Variants in TCF7L2 observed in about 807,000 individuals in gnomAD.
TCF7L2 encodes the protein transcription factor 7 like 2.
Under a neutral mutation model 77.9 loss-of-function variants are expected in TCF7L2, and 23 were observed. That is an observed-to-expected ratio of 0.30 (90% CI 0.21 to 0.42). The LOEUF is 0.42. Ranked by LOEUF, TCF7L2 falls within the 10% of genes least tolerant of loss-of-function variation. TCF7L2 has a pLI of 1.00. For missense variants in TCF7L2, 654 were observed against 793.1 expected (o/e 0.82, Z 2.11); for synonymous variants, 413 against 340.2 (o/e 1.21, Z -2.36).
At chr10:112,956,171 A>G (rs10885398) in intron 3 of TCF7L2, among the ~76,000 whole-genome samples, 26,338 of 151,944 alleles carry the variant, frequency 0.17, 2,811 homozygotes, top group Non-Finnish European at 0.25. Flanking sequence ...TTTCTGGACC[A>G]TGACTAAAAC....
chr10:113,082,598 TGTG>T (rs911504792), intron 5 of TCF7L2, among the ~76,000 whole-genome samples: 1 of 138,698 alleles, frequency 7.2e-6, no homozygotes, highest in Non-Finnish European at 1.5e-5. Context: ...TCATTCTGCT[TGTG>T]TGTGTGTGTG....
intron 4 of TCF7L2, among the ~76,000 whole-genome samples, chr10:112,966,132 G>A (rs956061940): frequency 5.4e-5 from 8 of 147,130 alleles, no homozygotes; most frequent in Non-Finnish European, 1.0e-4. Flanking sequence ...CCGAGATCAC[G>A]CCACTGCACT....
At chr10:113,002,069 A>G (rs1359982572) in intron 4 of TCF7L2, among the ~76,000 whole-genome samples, 1 of 152,158 alleles carries the variant, frequency 6.6e-6, no homozygotes, top group Non-Finnish European at 1.5e-5. Context: ...AAATGGGATG[A>G]CAGGTTTCAT....
intron 12 of TCF7L2, among the ~76,000 whole-genome samples, 169 bp downstream of exon 13, chr10:113,158,886 T>TG (rs1249591470): frequency 6.6e-6 from 1 of 151,282 alleles, no homozygotes; most frequent in Non-Finnish European, 1.5e-5. Context: ...CAGTTGCTTC[T>TG]GTTTTTTTTT....
chr10:113,079,074 T>G (rs2135415489), intron 5 of TCF7L2, among the ~76,000 whole-genome samples: 1 of 152,238 alleles, frequency 6.6e-6, no homozygotes, highest in East Asian at 1.9e-4. Context: ...CCTTAAGTGA[T>G]CCACCCATCC....
At chr10:112,956,772 C>T (rs1338205436) in intron 3 of TCF7L2, among the ~76,000 whole-genome samples, 1 of 152,168 alleles carries the variant, frequency 6.6e-6, no homozygotes, top group African/African-American at 2.4e-5. Context: ...TTATTTACAG[C>T]CCATAACACT....
At chr10:112,957,271 G>C (rs569708605) in intron 3 of TCF7L2, among the ~76,000 whole-genome samples, 1 of 135,818 alleles carries the variant, frequency 7.4e-6, no homozygotes, top group African/African-American at 2.9e-5. Context: ...AAGAAACCTG[G>C]TATGGGAGAC....
At chr10:113,141,103 GA>G (rs770143565) in intron 5 of TCF7L2, 80 bp from the exon 6 acceptor site, 226 of 1,568,304 alleles carry the variant, frequency 1.4e-4, no homozygotes, top group Non-Finnish European at 1.9e-4. Context: ...GTGGCCAAGG[GA>G]ACCCACGGGC....
chr10:113,059,109 C>T (rs978049681), intron 5 of TCF7L2, among the ~76,000 whole-genome samples: 1 of 152,112 alleles, frequency 6.6e-6, no homozygotes, highest in African/African-American at 2.4e-5. Context: ...GACAATTTGT[C>T]AGGCAGTGGC....
At chr10:113,082,097 C>T (rs1471214897) in intron 5 of TCF7L2, among the ~76,000 whole-genome samples, 1 of 149,944 alleles carries the variant, frequency 6.7e-6, no homozygotes, top group Admixed American at 6.7e-5. Context: ...CTTGACCTCC[C>T]AAAGTGCTGG....
chr10:113,064,885 C>T (rs1196283042), intron 5 of TCF7L2, among the ~76,000 whole-genome samples: 1 of 152,230 alleles, frequency 6.6e-6, no homozygotes, highest in African/African-American at 2.4e-5. Context: ...AAGTGTCTAG[C>T]CAGACTTGGT....
intron 5 of TCF7L2, among the ~76,000 whole-genome samples, chr10:113,115,764 C>T (rs138224760): frequency 2.0e-5 from 3 of 152,080 alleles, no homozygotes; most frequent in Non-Finnish European, 2.9e-5. Context: ...GGACAGCGCG[C>T]GGTTTTAAAA....
intron 5 of TCF7L2, among the ~76,000 whole-genome samples, chr10:113,056,935 ACT>A (rs984262032): frequency 2.0e-5 from 3 of 151,940 alleles, no homozygotes; most frequent in Admixed American, 6.6e-5. Context: ...CATCTCCCAG[ACT>A]CTGCGTTTTC....
chr10:113,130,567 G>T (rs760630438), intron 5 of TCF7L2, among the ~76,000 whole-genome samples: 1 of 152,182 alleles, frequency 6.6e-6, no homozygotes, highest in East Asian at 1.9e-4. Flanking sequence ...GCTTTTTAGG[G>T]CTATGGTCTT....
At chr10:113,162,705 T>C (rs190173415) in intron 13 of TCF7L2, among the ~76,000 whole-genome samples, 13 of 152,322 alleles carry the variant, frequency 8.5e-5, no homozygotes, top group Admixed American at 7.2e-4. Context: ...GTTCAGACTT[T>C]CCCAGCAGAT....
chr10:113,093,411 C>T (rs1446461811), intron 5 of TCF7L2, among the ~76,000 whole-genome samples: 2 of 152,170 alleles, frequency 1.3e-5, no homozygotes, highest in African/African-American at 2.4e-5. Flanking sequence ...AACCATCTTC[C>T]ACTTGTTCAG....
At chr10:112,992,033 C>T (rs1411239368) in intron 4 of TCF7L2, among the ~76,000 whole-genome samples, 1 of 152,162 alleles carries the variant, frequency 6.6e-6, no homozygotes, top group South Asian at 2.1e-4. Context: ...AGAGGGTAAC[C>T]TCATTGGCTA....
At chr10:113,158,303 G>A (rs1384167442) in intron 12 of TCF7L2, among the ~76,000 whole-genome samples, 1 of 152,022 alleles carries the variant, frequency 6.6e-6, no homozygotes, top group Non-Finnish European at 1.5e-5. Flanking sequence ...AGTGGAATGT[G>A]TTTTAAAATA....
intron 5 of TCF7L2, among the ~76,000 whole-genome samples, chr10:113,119,840 A>G (rs2136264279): frequency 6.6e-6 from 1 of 152,296 alleles, no homozygotes; most frequent in Non-Finnish European, 1.5e-5. Flanking sequence ...TAAAACCCTA[A>G]TATGTCCACT....
Sources: allele counts gnomAD v4.1 joint callset (sites outside exome capture counted in the v4.1 genomes callset), GRCh38; gene constraint gnomAD v4.1.1; transcripts MANE v1.5; gene names NCBI Gene and HGNC (gene_info 2026-07-23, HGNC 2026-07-21).